Variants in PRKG1 observed in about 807,000 individuals in gnomAD.
PRKG1 encodes the protein protein kinase cGMP-dependent 1, also known as cGMP-dependent protein kinase 1.
PRKG1 carries 35 observed loss-of-function variants against 88.1 expected under a neutral mutation model. That is an observed-to-expected ratio of 0.40 (90% CI 0.30 to 0.53). PRKG1 has a LOEUF of 0.53. PRKG1 is among the 20% of genes least tolerant of loss of function. The probability of loss-of-function intolerance (pLI) is 0.59; values close to 1 mark genes in which losing one functional copy is unlikely to be tolerated. For missense variants in PRKG1, 540 were observed against 839.8 expected (o/e 0.64, Z 4.41); for synonymous variants, 303 against 292.5 (o/e 1.04, Z -0.37).
At chr10:52,260,227 C>G (rs533495064) in intron 10 of PRKG1, among the ~76,000 whole-genome samples, 27 of 152,000 alleles carry the variant, frequency 1.8e-4, no homozygotes, top group African/African-American at 6.5e-4. Context: ...TGAATTGTAT[C>G]GTTAGCCTTT....
chr10:52,190,685 C>G (rs1004730488), intron 9 of PRKG1, among the ~76,000 whole-genome samples: 1 of 152,074 alleles, frequency 6.6e-6, no homozygotes, highest in African/African-American at 2.4e-5. Flanking sequence ...CCCATTTGTG[C>G]ACTTTTAGAT....
chr10:51,367,796 A>G (rs536032216), intron 2 of PRKG1, among the ~76,000 whole-genome samples: 93 of 152,098 alleles, frequency 6.1e-4, no homozygotes, highest in African/African-American at 2.1e-3. Context: ...GTCCAGTAGT[A>G]AATTGGTATT....
intron 3 of PRKG1, among the ~76,000 whole-genome samples, chr10:51,798,868 C>T (rs1839088602): frequency 6.6e-6 from 1 of 152,046 alleles, no homozygotes; most frequent in South Asian, 2.1e-4. Flanking sequence ...GTGCTGTCTG[C>T]ACTTTTGAAT....
intron 2 of PRKG1, among the ~76,000 whole-genome samples, chr10:51,455,635 C>G (rs1839563831): frequency 6.6e-6 from 1 of 152,224 alleles, no homozygotes; most frequent in Admixed American, 6.5e-5. Context: ...TGCCACCAAT[C>G]TCTTTGCTAA....
At chr10:51,665,080 A>G (rs1840390269) in intron 3 of PRKG1, among the ~76,000 whole-genome samples, 1 of 152,172 alleles carries the variant, frequency 6.6e-6, no homozygotes, top group South Asian at 2.1e-4. Context: ...CAAATCTCTT[A>G]CTTTTCATTA....
chr10:51,221,301 A>G (rs1049543465), intron 2 of PRKG1, among the ~76,000 whole-genome samples: 1 of 152,094 alleles, frequency 6.6e-6, no homozygotes, highest in Non-Finnish European at 1.5e-5. Context: ...ATTTCTAATG[A>G]ATGCATTAAA....
At chr10:52,144,815 C>T (rs1033290025) in intron 8 of PRKG1, among the ~76,000 whole-genome samples, 1 of 151,220 alleles carries the variant, frequency 6.6e-6, no homozygotes, top group African/African-American at 2.4e-5. Context: ...GACTCTGGCT[C>T]AAGACACAAA....
At chr10:52,179,558 G>A (rs115661929) in intron 9 of PRKG1, among the ~76,000 whole-genome samples, 2,885 of 152,120 alleles carry the variant, frequency 0.019, 77 homozygotes, top group African/African-American at 0.066. Flanking sequence ...TGGCTATAAC[G>A]TGCCTCAGAG....
intron 5 of PRKG1, among the ~76,000 whole-genome samples, chr10:51,963,554 G>C (rs1418870401): frequency 6.6e-6 from 1 of 151,928 alleles, no homozygotes; most frequent in African/African-American, 2.4e-5. Flanking sequence ...TTACCTCCTG[G>C]GTTCAAGTGA....
intron 4 of PRKG1, among the ~76,000 whole-genome samples, chr10:51,841,381 A>G (rs1475274198): frequency 3.3e-5 from 5 of 152,204 alleles, no homozygotes; most frequent in African/African-American, 1.2e-4. Flanking sequence ...GAAAAATTAT[A>G]GTACAGTGTG....
At chr10:51,511,233 G>T (rs1010431951) in intron 3 of PRKG1, among the ~76,000 whole-genome samples, 3 of 152,096 alleles carry the variant, frequency 2.0e-5, no homozygotes, top group Admixed American at 6.6e-5. Flanking sequence ...GGGGGATCAG[G>T]CCTGAATGCA....
At chr10:51,196,424 A>C (rs912231899) in intron 2 of PRKG1, among the ~76,000 whole-genome samples, 4 of 152,180 alleles carry the variant, frequency 2.6e-5, no homozygotes, top group African/African-American at 9.7e-5. Context: ...ATTGTACAAA[A>C]ATAATCACAG....
intron 2 of PRKG1, among the ~76,000 whole-genome samples, chr10:51,277,957 C>T (rs1445475926): frequency 6.6e-6 from 1 of 152,182 alleles, no homozygotes; most frequent in East Asian, 1.9e-4. Context: ...CTTTCTCCTG[C>T]CTGATTGCCC....
intron 14 of PRKG1, among the ~76,000 whole-genome samples, chr10:52,288,359 C>T (rs61849212): frequency 0.03 from 4,606 of 152,034 alleles, 100 homozygotes; most frequent in Non-Finnish European, 0.047. Context: ...CGTTGGTGTT[C>T]CTGCGGCCCC....
intron 3 of PRKG1, among the ~76,000 whole-genome samples, chr10:51,727,680 A>G (rs1842170214): frequency 6.6e-6 from 1 of 152,134 alleles, no homozygotes; most frequent in African/African-American, 2.4e-5. Flanking sequence ...ATCTCCGGAG[A>G]GTAGTTCAAT....
At chr10:51,154,494 G>A (rs968320589) in intron 2 of PRKG1, among the ~76,000 whole-genome samples, 3 of 151,932 alleles carry the variant, frequency 2.0e-5, no homozygotes, top group Non-Finnish European at 2.9e-5. Flanking sequence ...GGTATAAAAT[G>A]AGATAATTTG....
intron 7 of PRKG1, among the ~76,000 whole-genome samples, chr10:52,126,682 A>G (rs1267219502): frequency 6.6e-6 from 1 of 152,110 alleles, no homozygotes; most frequent in Admixed American, 6.6e-5. Flanking sequence ...AATTGTTCTT[A>G]TCCTTTAAAA....
chr10:51,934,257 C>CCG (rs1438924794), intron 5 of PRKG1, among the ~76,000 whole-genome samples: 6 of 149,732 alleles, frequency 4.0e-5, no homozygotes, highest in Admixed American at 6.7e-5. Flanking sequence ...CACACATACC[C>CCG]CCCCCCCAAC....
chr10:51,674,696 T>C (rs934574378), intron 3 of PRKG1, among the ~76,000 whole-genome samples: 1 of 152,224 alleles, frequency 6.6e-6, no homozygotes, highest in Admixed American at 6.5e-5. Flanking sequence ...TTCAACTCAA[T>C]GTACTGCTAC....
Sources: gnomAD v4.1 joint callset for allele counts (sites outside exome capture counted in the v4.1 genomes callset) on GRCh38, gnomAD v4.1.1 for gene constraint, MANE v1.5 for transcripts, NCBI Gene and HGNC (gene_info 2026-07-23, HGNC 2026-07-21) for gene names.